ITFG2: variants seen among roughly 807,000 people sequenced by gnomAD.
ITFG2 encodes KICSTOR complex protein ITFG2.
A neutral mutation model predicts 54.4 loss-of-function variants in ITFG2; 36 were observed. The observed-to-expected ratio is 0.66, with a 90% CI of 0.51 to 0.87. ITFG2 has a LOEUF of 0.87. Among genes scored for constraint, ITFG2 ranks in the 40% least tolerant of loss-of-function variants. The pLI is 0.00. For synonymous variants in ITFG2, 211 were observed against 225.4 expected (o/e 0.94, Z 0.57); for missense variants, 524 against 576.7 (o/e 0.91, Z 0.94).
downstream of ITFG2, chr12:2,828,422 A>G (rs774261467): frequency 6.2e-7 from 1 of 1,612,184 alleles, no homozygotes; most frequent in African/African-American, 1.3e-5. Context: ...GCACTAAGAA[A>G]GAAGAATCGT....
At chr12:2,831,075 C>T (rs1022551842), downstream of ITFG2, among the ~76,000 whole-genome samples, 31 of 151,816 alleles carry the variant, frequency 2.0e-4, no homozygotes, top group Admixed American at 1.7e-3. Flanking sequence ...GATTGCTCAG[C>T]AGTGAAGAAA....
intron 1 of ITFG2, 139 bp downstream of exon 1, chr12:2,812,995 TTTA>T: frequency 1.6e-6 from 1 of 643,942 alleles, no homozygotes; most frequent in Non-Finnish European, 2.7e-6. Context: ...AGAGAAAAAC[TTTA>T]TTGATAGCTT....
chr12:2,856,148 G>A (rs1028170213), intron 2 of ITFG2, among the ~76,000 whole-genome samples: 2 of 152,030 alleles, frequency 1.3e-5, no homozygotes, highest in Non-Finnish European at 2.9e-5. Context: ...TATTGCTATC[G>A]TCCCCATCTC....
intron 2 of ITFG2, chr12:2,849,238 T>G: frequency 1.3e-6 from 2 of 1,535,578 alleles, no homozygotes; most frequent in Non-Finnish European, 1.7e-6. Flanking sequence ...CTTCTAGAAG[T>G]GTCCAGGTCT....
At chr12:2,831,896 C>G (rs2098005117), upstream of ITFG2, among the ~76,000 whole-genome samples, 3 of 152,126 alleles carry the variant, frequency 2.0e-5, no homozygotes, top group South Asian at 6.2e-4. Flanking sequence ...AGTACCTGGC[C>G]TCCATCCTTC....
chr12:2,855,294 G>A (rs1239180515), intron 2 of ITFG2: 1 of 1,524,636 alleles, frequency 6.6e-7, no homozygotes, highest in South Asian at 1.2e-5. Flanking sequence ...GACGCACCTT[G>A]GACTTCATAT....
At chr12:2,836,408 C>T (rs1230389349), upstream of ITFG2, among the ~76,000 whole-genome samples, 2 of 152,206 alleles carry the variant, frequency 1.3e-5, no homozygotes, top group African/African-American at 4.8e-5. Flanking sequence ...CCCACCTGAG[C>T]CCTGCTCCCT....
intron 6 of ITFG2, 109 bp downstream of exon 6, chr12:2,820,981 C>A: frequency 8.4e-7 from 1 of 1,185,162 alleles, no homozygotes. Flanking sequence ...GCTGCCTCAT[C>A]TAGGTCCCAA....
At chr12:2,838,348 G>GCA (rs2098033376) in intron 1 of ITFG2, among the ~76,000 whole-genome samples, 1 of 152,098 alleles carries the variant, frequency 6.6e-6, no homozygotes, top group Non-Finnish European at 1.5e-5. Flanking sequence ...GCATCCTTTG[G>GCA]GGGAGTTGTG....
chr12:2,813,277 G>A (rs1603482166), intron 1 of ITFG2, among the ~76,000 whole-genome samples: 1 of 152,220 alleles, frequency 6.6e-6, no homozygotes, highest in East Asian at 1.9e-4. Flanking sequence ...CTGAGCCATC[G>A]TGCCCAGCCC....
intron 3 of ITFG2, chr12:2,858,601 T>C (rs1202377789): frequency 3.8e-6 from 6 of 1,582,308 alleles, no homozygotes; most frequent in Non-Finnish European, 5.2e-6. Context: ...GTGCCCGGGA[T>C]GGTGGACAGC....
upstream of ITFG2, chr12:2,835,083 C>T (rs374741292): frequency 4.8e-4 from 689 of 1,437,788 alleles, 11 homozygotes; most frequent in South Asian, 9.3e-3. Context: ...GGAGGGTTGG[C>T]AGGGCCCACA....
chr12:2,827,863 T>G (rs982342841), downstream of ITFG2: 2 of 1,611,236 alleles, frequency 1.2e-6, no homozygotes, highest in African/African-American at 2.7e-5. The surrounding 1 kb of genome is among the most constrained non-coding windows in gnomAD (Gnocchi z 4.0). Context: ...GTCTCAGCCT[T>G]TGCCCCACCC....
At chr12:2,849,007 G>A (rs570716559) in intron 2 of ITFG2, 101 of 545,934 alleles carry the variant, frequency 1.9e-4, no homozygotes, top group Non-Finnish European at 2.9e-4. Context: ...TCCCACCTTC[G>A]ATGAGAGTCC....
intron 1 of ITFG2, among the ~76,000 whole-genome samples, chr12:2,814,993 G>C (rs2097918249): frequency 6.8e-6 from 1 of 147,898 alleles, no homozygotes; most frequent in African/African-American, 2.5e-5. Flanking sequence ...TTTTTTTTGA[G>C]ACGGAGTTTC....
chr12:2,851,860 G>A (rs1166391003), intron 2 of ITFG2, among the ~76,000 whole-genome samples: 1 of 151,838 alleles, frequency 6.6e-6, no homozygotes, highest in African/African-American at 2.4e-5. Context: ...TGTATTTGTA[G>A]TAGAGAGAGG....
chr12:2,849,944 A>G (rs1319865693), intron 2 of ITFG2, among the ~76,000 whole-genome samples: 2 of 152,198 alleles, frequency 1.3e-5, no homozygotes, highest in Non-Finnish European at 2.9e-5. Flanking sequence ...ACAGTAGGAA[A>G]CAGACTTTTG....
intron 1 of ITFG2, 57 bp from the exon 2 acceptor site, chr12:2,817,166 G>A (rs1450389842): frequency 2.6e-6 from 3 of 1,137,378 alleles, no homozygotes; most frequent in African/African-American, 1.5e-5. Flanking sequence ...GTAGAGAAGA[G>A]CTTGAAGAGG....
chr12:2,849,581 A>C (rs1476585334), intron 2 of ITFG2: 7 of 1,526,088 alleles, frequency 4.6e-6, no homozygotes, highest in Non-Finnish European at 5.3e-6. Context: ...ATCCAGGGAC[A>C]GTGGAGAGAC....
Sources: allele counts gnomAD v4.1 joint callset (sites outside exome capture counted in the v4.1 genomes callset), GRCh38; gene constraint gnomAD v4.1.1; non-coding constraint Gnocchi (gnomAD v3.1); transcripts MANE v1.5; gene names NCBI Gene and HGNC (gene_info 2026-07-23, HGNC 2026-07-21).